Variants in RGS6 observed in about 807,000 individuals in gnomAD.
RGS6 encodes regulator of G protein signaling 6.
In RGS6, 30 loss-of-function variants were observed where a neutral mutation model predicts 78.5. That is an observed-to-expected ratio of 0.38 (90% CI 0.29 to 0.52). The LOEUF (loss-of-function observed/expected upper bound fraction) is 0.52, where lower values mean the gene tolerates loss of function less well. Ranked by LOEUF, RGS6 falls within the 20% of genes least tolerant of loss-of-function variation. The probability of loss-of-function intolerance (pLI) is 0.85; values close to 1 mark genes in which losing one functional copy is unlikely to be tolerated. For missense variants in RGS6, 495 were observed against 609.7 expected (o/e 0.81, Z 1.98); for synonymous variants, 206 against 206.0 (o/e 1.00, Z 0.00).
chr14:72,376,717 T>C (rs2084822775), intron 3 of RGS6, among the ~76,000 whole-genome samples: 1 of 152,182 alleles, frequency 6.6e-6, no homozygotes, highest in Non-Finnish European at 1.5e-5. Flanking sequence ...TGCCATTCAA[T>C]ATTATGCCCA....
rs141576227 is a variant in RGS6, at chr14:72,301,869, T to C, written c.85-50226T>C. Among the ~76,000 whole-genome samples the C allele has an allele frequency of 9.0e-3, 1,365 of 152,236 alleles. 24 individuals are homozygous for C. Among genetic ancestry groups the C allele is most frequent in the African/African-American group, 0.031 (1,298 of 41,508 alleles). On this transcript the variant is annotated intron_variant, in intron 2 of 17. Coordinates refer to ENST00000553525, the MANE Select transcript of RGS6 (RefSeq NM_001204424.2). Reference sequence around the variant, plus strand: ...GGACCCACACTACTCCAGGACAACCTTAATTAATTACATTTGCAGAAGCCC... The same window carrying C: ...GGACCCACACTACTCCAGGACAACCCTAATTAATTACATTTGCAGAAGCCC...
At chr14:72,618,656 C>T in the RGS6 span, among the ~76,000 whole-genome samples, 1 of 152,194 alleles carries the variant, frequency 6.6e-6, no homozygotes, top group African/African-American at 2.4e-5. Context: ...CCCTCCCCGC[C>T]CCCATCTAGT....
chr14:71,941,776 C>T (rs971314087), intron 1 of RGS6, among the ~76,000 whole-genome samples: 1 of 152,216 alleles, frequency 6.6e-6, no homozygotes, highest in Non-Finnish European at 1.5e-5. Context: ...CAATGACTCA[C>T]ATATTTAATC....
chr14:71,925,000 C>T, the RGS6 span, among the ~76,000 whole-genome samples: 7 of 152,264 alleles, frequency 4.6e-5, no homozygotes, highest in Admixed American at 2.6e-4. Flanking sequence ...AATCTCCACA[C>T]GTTTTCCATA....
At chr14:72,443,072 C>T (rs2095260046) in intron 3 of RGS6, among the ~76,000 whole-genome samples, 1 of 152,014 alleles carries the variant, frequency 6.6e-6, no homozygotes, top group Non-Finnish European at 1.5e-5. Flanking sequence ...GGCAGAAAGG[C>T]TAAATTATAA....
intron 2 of RGS6, among the ~76,000 whole-genome samples, chr14:72,142,748 G>A (rs895052180): frequency 2.0e-5 from 3 of 152,150 alleles, no homozygotes; most frequent in African/African-American, 7.2e-5. Context: ...AATGTTCAAG[G>A]ATGGTTCCAT....
chr14:72,437,202 A>G (rs969904388), intron 3 of RGS6, among the ~76,000 whole-genome samples: 1 of 149,778 alleles, frequency 6.7e-6, no homozygotes, highest in African/African-American at 2.4e-5. Flanking sequence ...TTAGCCAGGC[A>G]TGGTGGCGGG....
intron 3 of RGS6, among the ~76,000 whole-genome samples, chr14:72,443,482 T>G (rs536041074): frequency 2.8e-4 from 43 of 152,344 alleles, no homozygotes; most frequent in African/African-American, 1.0e-3. Context: ...GTGCTAACCC[T>G]GTGGTTAGGC....
At position 72,266,662 on chromosome 14, in the gene RGS6, A is replaced by G. The variant is rs970961689; in HGVS notation, c.85-85433A>G. On this transcript the variant is annotated intron_variant, in intron 2 of 17. Coordinates refer to ENST00000553525, the MANE Select transcript of RGS6 (RefSeq NM_001204424.2). Reference sequence around the variant, plus strand: ...CTAACCACTTTCTCAGAAGGGCATCAGGGTTTTTGCAGCAATGTGGGGATA... The same window carrying G: ...CTAACCACTTTCTCAGAAGGGCATCGGGGTTTTTGCAGCAATGTGGGGATA... Among the ~76,000 whole-genome samples, 4 of 152,238 alleles carry G rather than the reference A, an allele frequency of 2.6e-5. No individual in the cohort carries two copies. The South Asian group carries it at 8.3e-4, about 32-fold the overall frequency.
chr14:72,420,341 T>C (rs958557996), intron 3 of RGS6, among the ~76,000 whole-genome samples: 2 of 152,204 alleles, frequency 1.3e-5, no homozygotes, highest in African/African-American at 4.8e-5. Flanking sequence ...CCACTTTACA[T>C]TGGGAGAAGC....
rs111502791 is a variant in RGS6 at position 71,934,184 on chromosome 14, C to T, written c.-21+1243C>T. 7.6e-3 allele frequency among the ~76,000 whole-genome samples: 1,161 copies of T among 152,204 alleles called. 14 individuals are homozygous for T. The highest frequency in any genetic ancestry group is 0.027 in the African/African-American group (1,113 of 41,532). On this transcript the variant is annotated intron_variant, in intron 1 of 17. Transcript: ENST00000553525. The stretch of plus-strand genomic sequence containing the variant: ...TTTGGTGAGACTCTTGAGAGAGAAA[C>T]CTTTGCAAGCCAAATCTCGCATGCT...
At chr14:72,184,528 G>A (rs933750571) in intron 2 of RGS6, among the ~76,000 whole-genome samples, 4 of 151,930 alleles carry the variant, frequency 2.6e-5, no homozygotes, top group Admixed American at 6.6e-5. Flanking sequence ...GCTTTCCCTG[G>A]AATACATATT....
At chr14:72,417,606 C>A (rs1446294544) in intron 3 of RGS6, among the ~76,000 whole-genome samples, 1 of 152,202 alleles carries the variant, frequency 6.6e-6, no homozygotes, top group Admixed American at 6.5e-5. Flanking sequence ...GCATGGGCTC[C>A]GCCACCAGCT....
chr14:72,624,221 ATAT>A, the RGS6 span, among the ~76,000 whole-genome samples: 1 of 152,104 alleles, frequency 6.6e-6, no homozygotes, highest in East Asian at 1.9e-4. Context: ...TAATATTAAC[ATAT>A]TATATTACTA....
chr14:72,050,380 T>C (rs2093154816), intron 2 of RGS6, among the ~76,000 whole-genome samples: 1 of 152,204 alleles, frequency 6.6e-6, no homozygotes, highest in South Asian at 2.1e-4. Context: ...AGATAAATTA[T>C]ATTTGCTGAA....
intron 2 of RGS6, among the ~76,000 whole-genome samples, chr14:72,066,985 A>G (rs1051352849): frequency 6.6e-6 from 1 of 152,188 alleles, no homozygotes; most frequent in Non-Finnish European, 1.5e-5. Context: ...TGCAAAGGAC[A>G]TGAACTCATT....
At chr14:72,081,092 A>T (rs2094803200) in intron 2 of RGS6, among the ~76,000 whole-genome samples, 1 of 152,014 alleles carries the variant, frequency 6.6e-6, no homozygotes, top group African/African-American at 2.4e-5. Context: ...GAATCTGTAG[A>T]TTGCTTTAGG....
At chr14:72,130,940 T>C (rs1346827909) in intron 2 of RGS6, among the ~76,000 whole-genome samples, 1 of 152,200 alleles carries the variant, frequency 6.6e-6, no homozygotes, top group Non-Finnish European at 1.5e-5. Flanking sequence ...GGACACTGTT[T>C]CCCCTTGTGA....
chr14:71,972,944 A>G (rs1041562289), intron 2 of RGS6, among the ~76,000 whole-genome samples: 10 of 152,170 alleles, frequency 6.6e-5, no homozygotes, highest in African/African-American at 2.4e-4. Flanking sequence ...AAATAGCTGT[A>G]GAACTGGATT....
Sources: gnomAD v4.1 joint callset for allele counts (sites outside exome capture counted in the v4.1 genomes callset) on GRCh38, gnomAD v4.1.1 for gene constraint, MANE v1.5 for transcripts, NCBI Gene and HGNC (gene_info 2026-07-23, HGNC 2026-07-21) for gene names.